COL13A1: variants seen among roughly 807,000 people sequenced by gnomAD.
The protein encoded by COL13A1 is collagen alpha-1(XIII) chain.
In COL13A1, 89 loss-of-function variants were observed where a neutral mutation model predicts 130.9. The ratio of observed to expected loss-of-function variants is 0.68; its 90% confidence interval spans 0.57 to 0.81. The LOEUF is 0.81. Ranked by LOEUF, COL13A1 falls within the 30% of genes least tolerant of loss-of-function variation. The pLI is 0.00. For missense variants in COL13A1, 879 were observed against 934.6 expected, an observed-to-expected ratio of 0.94 and a Z score of 0.78; for synonymous variants, 402 against 341.6, an observed-to-expected ratio of 1.18 and a Z score of -1.95.
At chr10:69,860,288 C>G (rs2133810912) in intron 2 of COL13A1, among the ~76,000 whole-genome samples, 1 of 152,356 alleles carries the variant, frequency 6.6e-6, no homozygotes, top group East Asian at 1.9e-4. Flanking sequence ...AGGTCAGGGA[C>G]AGCGGGTGAC....
At chr10:69,900,903 G>C (rs190479432) in intron 14 of COL13A1, among the ~76,000 whole-genome samples, 2 of 152,264 alleles carry the variant, frequency 1.3e-5, no homozygotes, top group East Asian at 3.9e-4. Flanking sequence ...TAGGACTTGT[G>C]ACGTTATGAA....
intron 2 of COL13A1, among the ~76,000 whole-genome samples, chr10:69,846,822 T>C (rs1589413766): frequency 6.6e-6 from 1 of 152,222 alleles, no homozygotes; most frequent in East Asian, 1.9e-4. Flanking sequence ...CTGCCGTGGC[T>C]GCTGGTGAGC....
intron 34 of COL13A1, among the ~76,000 whole-genome samples, 152 bp downstream of exon 34, chr10:69,937,867 G>A (rs964112545): frequency 6.6e-6 from 1 of 152,178 alleles, no homozygotes; most frequent in African/African-American, 2.4e-5. Context: ...AAGACCACAG[G>A]CTCTGATTCT....
intron 10 of COL13A1, among the ~76,000 whole-genome samples, chr10:69,891,681 C>T (rs2061186388): frequency 6.6e-6 from 1 of 152,218 alleles, no homozygotes; most frequent in African/African-American, 2.4e-5. Flanking sequence ...GCTTGGGGTG[C>T]TCATCCCTTC....
rs1476745409 is a variant in COL13A1 at position 69,888,297 on chromosome 10, G to A, written c.550-7G>A. The A allele has an allele frequency of 6.2e-7, 1 of 1,612,816 alleles. No homozygotes were observed. Among genetic ancestry groups the A allele is most frequent in the African/African-American group, 1.3e-5 (1 of 74,914 alleles). On this transcript the variant is annotated splice_polypyrimidine_tract_variant and splice_region_variant and intron_variant, in intron 8 of 40. Coordinates refer to ENST00000645393, the MANE Select transcript of COL13A1 (RefSeq NM_001368882.1). ...TCAGTCTTTACATCTGGCCTTTCTG[G>A]TTTCAGGGTCCCATTGGGCTGGACG...
At position 69,802,721 on chromosome 10, in the gene COL13A1, T is replaced by G; in HGVS notation, c.294+4T>G. The G allele has an allele frequency of 1.2e-6, 2 of 1,610,344 alleles. No homozygotes were observed. The highest frequency in any genetic ancestry group is 1.7e-6 in the Non-Finnish European group (2 of 1,178,448). Reference sequence around the variant, plus strand: ...AGTCAATCAACTGCTGGACGAGGTCTGTGCTCTTTGTTGCTGGCTTTTATC... The same window carrying G: ...AGTCAATCAACTGCTGGACGAGGTCGGTGCTCTTTGTTGCTGGCTTTTATC... On this transcript the variant is annotated splice_donor_region_variant and intron_variant, in intron 1 of 40. Coordinates refer to ENST00000645393, the MANE Select transcript of COL13A1 (RefSeq NM_001368882.1).
chr10:69,803,572 G>C (rs560239542), intron 1 of COL13A1, among the ~76,000 whole-genome samples: 1 of 152,196 alleles, frequency 6.6e-6, no homozygotes, highest in South Asian at 2.1e-4. Flanking sequence ...CAGATAGAGA[G>C]GAGGACAGGC....
intron 35 of COL13A1, 134 bp downstream of exon 35, chr10:69,941,157 G>T (rs2067583165): frequency 2.1e-6 from 3 of 1,450,964 alleles, no homozygotes; most frequent in Non-Finnish European, 2.9e-6. Context: ...CCAGAAAGGT[G>T]CCACTGATGC....
intron 30 of COL13A1, 21 bp downstream of exon 30, chr10:69,930,573 C>A: frequency 4.4e-6 from 7 of 1,608,622 alleles, no homozygotes; most frequent in Non-Finnish European, 5.9e-6. Context: ...GGGCTGGCTG[C>A]CCTTCCGTGC....
chr10:69,897,346 A>C (rs41277958), intron 13 of COL13A1: 32,574 of 972,330 alleles, frequency 0.034, 756 homozygotes, highest in South Asian at 0.081. Flanking sequence ...CCCCTCCTCC[A>C]TTCCAGCCTG....
At chr10:69,871,214 A>C (rs973891320) in intron 3 of COL13A1, among the ~76,000 whole-genome samples, 2 of 152,148 alleles carry the variant, frequency 1.3e-5, no homozygotes, top group African/African-American at 4.8e-5. Flanking sequence ...TAAGGGACGC[A>C]GTGCCTGGGC....
At chr10:69,929,977 C>T in intron 28 of COL13A1, 66 bp from the exon 29 acceptor site, 1 of 1,371,144 alleles carries the variant, frequency 7.3e-7, no homozygotes, top group South Asian at 1.2e-5. Flanking sequence ...GTGCACTAAG[C>T]AATGCGTAAC....
intron 37 of COL13A1, among the ~76,000 whole-genome samples, chr10:69,946,913 G>T (rs2136206945): frequency 6.6e-6 from 1 of 152,240 alleles, no homozygotes; most frequent in East Asian, 1.9e-4. Context: ...TCAGCCTCCA[G>T]CGTAGCTCAG....
In COL13A1 at chr10:69,880,523, G is replaced by C; in HGVS notation, c.483G>C (p.Gly161=). ...PGEKGSPGDA[G]LSIIGPRGPP... is the part of the protein sequence containing the mutation. Reference sequence around the variant, plus strand: ...CGCAGGGGTCCCCCGGAGACGCTGGGCTGTCCATCATTGGTCCCCGCGGCC... The same window carrying C: ...CGCAGGGGTCCCCCGGAGACGCTGGCCTGTCCATCATTGGTCCCCGCGGCC... Residue 161 remains glycine (G), a synonymous_variant, in exon 7 of 41, where the codon GGG becomes GGC. Coordinates refer to ENST00000645393, the MANE Select transcript of COL13A1 (RefSeq NM_001368882.1). 6.2e-7 allele frequency: 1 copy of C among 1,613,478 alleles called. No individual in the cohort carries two copies. Among genetic ancestry groups the C allele is most frequent in the Non-Finnish European group, 8.5e-7 (1 of 1,179,608 alleles).
rs57098368 is a variant in COL13A1, at chr10:69,804,809, C to CAAAAAAAAAAAAAAAA, written c.294+2110_294+2125dup. ...AAATGGGCAGTGACCATGTCGTGTG[C>CAAAAAAAAAAAAAAAA]AAAAAAAAAAAAAAAAAAAAAAAAA... is the stretch of plus-strand genomic sequence containing the variant. On this transcript the variant is annotated intron_variant, in intron 1 of 40. Transcript: ENST00000645393. Among the ~76,000 whole-genome samples the CAAAAAAAAAAAAAAAA allele has an allele frequency of 2.0e-3, 150 of 75,376 alleles. 2 individuals carry two copies. The highest frequency in any genetic ancestry group is 2.6e-3 in the Non-Finnish European group (112 of 42,386). The allele number at this position is 75,376 out of a possible 152,430, so 49.4% of individuals were successfully genotyped here.
Position 69,935,355 on chromosome 10 carries a change from T to C in COL13A1, c.1734T>C (p.Pro578=), listed in dbSNP as rs779000634. ...GEKGNPGAEV[P]GLPGPEGPPG... is the part of the protein sequence containing the mutation. ...GGCTCCCCTTTGGCTTTTAGGTTCCTGGGCTGCCAGGGCCAGAGGGGCCTC... is the reference window on the plus strand; with the variant it reads ...GGCTCCCCTTTGGCTTTTAGGTTCCCGGGCTGCCAGGGCCAGAGGGGCCTC... The change falls in exon 32 of 41, where the codon CCT becomes CCC. Residue 578 remains proline (P), a synonymous_variant. Transcript: ENST00000645393. 3 of 1,580,552 alleles carry C rather than the reference T, an allele frequency of 1.9e-6. No homozygotes were observed. Among genetic ancestry groups the C allele is most frequent in the Admixed American group, 3.6e-5 (2 of 55,906 alleles).
At chr10:69,946,471 G>A (rs2068552243) in intron 37 of COL13A1, among the ~76,000 whole-genome samples, 1 of 152,262 alleles carries the variant, frequency 6.6e-6, no homozygotes, top group South Asian at 2.1e-4. Flanking sequence ...TTGAGTGTCT[G>A]CCTGAGAGAG....
At chr10:69,919,158 T>C (rs2064303975) in intron 20 of COL13A1, 70 bp downstream of exon 20, 1 of 1,599,336 alleles carries the variant, frequency 6.3e-7, no homozygotes. Flanking sequence ...GAGGGGCTGC[T>C]GCTGTTTTGC....
intron 24 of COL13A1, among the ~76,000 whole-genome samples, chr10:69,924,624 A>G (rs1203272344): frequency 3.3e-5 from 5 of 152,032 alleles, no homozygotes; most frequent in Non-Finnish European, 7.4e-5. Context: ...CCTGAGCAGG[A>G]TGGAATTAAA....
Sources: gnomAD v4.1 joint callset for allele counts (sites outside exome capture counted in the v4.1 genomes callset) on GRCh38, gnomAD v4.1.1 for gene constraint, MANE v1.5 for transcripts, NCBI Gene and HGNC (gene_info 2026-07-23, HGNC 2026-07-21) for gene names.